VPS13B: variants seen among roughly 807,000 people sequenced by gnomAD.
VPS13B encodes the protein vacuolar protein sorting 13 homolog B, also known as intermembrane lipid transfer protein VPS13B.
Under a neutral mutation model 426.4 loss-of-function variants are expected in VPS13B, and 285 were observed. The ratio of observed to expected loss-of-function variants is 0.67; its 90% confidence interval spans 0.61 to 0.74. The LOEUF is 0.74. Ranked by LOEUF, VPS13B falls within the 30% of genes least tolerant of loss-of-function variation. The probability of loss-of-function intolerance (pLI) is 0.00; values close to 1 mark genes in which losing one functional copy is unlikely to be tolerated. For missense variants in VPS13B, 4,537 were observed against 4,782.6 expected (o/e 0.95, Z 1.51); for synonymous variants, 1,676 against 1,676.4 (o/e 1.00, Z 0.01).
intron 3 of VPS13B, among the ~76,000 whole-genome samples, chr8:99,075,430 A>G (rs1366146741): frequency 6.6e-6 from 1 of 152,146 alleles, no homozygotes; most frequent in African/African-American, 2.4e-5. Flanking sequence ...GCAAGAACTC[A>G]CTATTGTAAG....
intron 22 of VPS13B, among the ~76,000 whole-genome samples, chr8:99,432,639 T>C: frequency 6.6e-6 from 1 of 152,184 alleles, no homozygotes; most frequent in East Asian, 1.9e-4. Context: ...TTTTACTTTA[T>C]TTAAAGTGGG....
intron 21 of VPS13B, among the ~76,000 whole-genome samples, chr8:99,399,587 A>G (rs1814924080): frequency 6.6e-6 from 1 of 152,210 alleles, no homozygotes; most frequent in South Asian, 2.1e-4. Context: ...TCACTTTCAT[A>G]AACATGAAGC....
intron 2 of VPS13B, among the ~76,000 whole-genome samples, chr8:99,021,529 G>A (rs1373648313): frequency 1.3e-5 from 2 of 152,028 alleles, no homozygotes; most frequent in African/African-American, 4.8e-5. Context: ...GCTGAGGCAG[G>A]AGAATTGCTT....
intron 3 of VPS13B, among the ~76,000 whole-genome samples, chr8:99,093,582 A>G (rs1326856182): frequency 1.5e-5 from 2 of 135,792 alleles, no homozygotes; most frequent in Non-Finnish European, 3.1e-5. Context: ...TCCTGTGTCC[A>G]TGTGTTCTCA....
intron 8 of VPS13B, chr8:99,121,659 C>T: frequency 7.8e-7 from 1 of 1,286,256 alleles, no homozygotes; most frequent in Non-Finnish European, 1.0e-6. Context: ...CTCCACATTT[C>T]TTTTTTATTA....
rs146297645 is a variant in VPS13B, at chr8:99,648,348, T to C, written c.5908+5850T>C. Among the ~76,000 whole-genome samples, 20 of 152,346 alleles carry C rather than the reference T, an allele frequency of 1.3e-4. No homozygotes were observed. The East Asian group carries it at 3.9e-3, about 29-fold the overall frequency. On this transcript the variant is annotated intron_variant, in intron 34 of 61. Transcript: ENST00000357162. Reference sequence around the variant, plus strand: ...TTAATTAAATAAAGCCTATGACCTTTATTTAAGTTCCAGAGAAGCAATTTA... The same window carrying C: ...TTAATTAAATAAAGCCTATGACCTTCATTTAAGTTCCAGAGAAGCAATTTA...
At chr8:99,030,254 GA>G (rs1391245529) in intron 2 of VPS13B, among the ~76,000 whole-genome samples, 2 of 149,086 alleles carry the variant, frequency 1.3e-5, no homozygotes, top group Admixed American at 6.7e-5. Flanking sequence ...GGTACAGCAG[GA>G]CCTCAAAATA....
In VPS13B at chr8:99,033,473, C is replaced by A. The variant is rs148850462; in HGVS notation, c.148-4950C>A. 2.1e-4 allele frequency among the ~76,000 whole-genome samples: 32 copies of A among 152,180 alleles called. No homozygotes were observed. In the East Asian group the frequency reaches 5.8e-3, roughly 28 times the overall value. On this transcript the variant is annotated intron_variant, in intron 2 of 61. Coordinates refer to ENST00000357162, the MANE Select transcript of VPS13B (RefSeq NM_152564.5). Reference sequence around the variant, plus strand: ...TGCCAATTCAAATCTGCTGCTGAGCCCTTCTAGTGAATTTTTTATTTTGTT... The same window carrying A: ...TGCCAATTCAAATCTGCTGCTGAGCACTTCTAGTGAATTTTTTATTTTGTT...
At chr8:99,362,026 T>G (rs1812589071) in intron 19 of VPS13B, among the ~76,000 whole-genome samples, 1 of 152,208 alleles carries the variant, frequency 6.6e-6, no homozygotes, top group Non-Finnish European at 1.5e-5. Context: ...GACTCCAAAG[T>G]CTTCTGCTCC....
Position 99,103,028 on chromosome 8 carries a change from T to G in VPS13B, c.488T>G (p.Val163Gly). The change falls in exon 5 of 62, where the codon GTT (valine) becomes GGT (glycine). Residue 163 changes from valine to glycine, a missense_variant. Around this residue, in one of 2 missense-constraint regions of VPS13B, gnomAD observed 226 missense variants for 308.3 expected, o/e 0.73. Transcript: ENST00000357162. ...IVINNLILKY[V>G]EDDIVLSVNI... Reference sequence around the variant, plus strand: ...ATAAATAATCTCATACTAAAATATGTTGAAGATGATATCGTCCTTTCCGTC... The same window carrying G: ...ATAAATAATCTCATACTAAAATATGGTGAAGATGATATCGTCCTTTCCGTC... 1 of 1,613,440 alleles carries G rather than the reference T, an allele frequency of 6.2e-7. No individual in the cohort carries two copies. Among genetic ancestry groups the G allele is most frequent in the Non-Finnish European group, 8.5e-7 (1 of 1,179,384 alleles).
chr8:99,384,389 C>A (rs1814004124), intron 20 of VPS13B, 72 bp downstream of exon 20: 2 of 1,200,998 alleles, frequency 1.7e-6, no homozygotes, highest in Non-Finnish European at 2.4e-6. Context: ...TTATATATGT[C>A]TTTTGATGGA....
At chr8:99,232,987 AT>A in intron 17 of VPS13B, 2 of 744,114 alleles carry the variant, frequency 2.7e-6, no homozygotes, top group Non-Finnish European at 2.4e-6. Flanking sequence ...GTTTGGTCTC[AT>A]TTTGTCAGGT....
intron 30 of VPS13B, among the ~76,000 whole-genome samples, chr8:99,553,504 T>G (rs1588488876): frequency 6.6e-6 from 1 of 152,160 alleles, no homozygotes. Flanking sequence ...TCATATAAGA[T>G]AATATACTTC....
Position 99,515,159 on chromosome 8 carries a change from G to C in VPS13B, c.4633+3647G>C, listed in dbSNP as rs538743052. On this transcript the variant is annotated intron_variant, in intron 29 of 61. Coordinates refer to ENST00000357162, the MANE Select transcript of VPS13B (RefSeq NM_152564.5). Reference sequence around the variant, plus strand: ...AAATCAGGCTATTTAAGAAAGAAGAGGAAAAAAAAGAACAACTTTATTTTC... The same window carrying C: ...AAATCAGGCTATTTAAGAAAGAAGACGAAAAAAAAGAACAACTTTATTTTC... Among the ~76,000 whole-genome samples the C allele has an allele frequency of 1.1e-4, 17 of 151,966 alleles. 1 individual carries two copies. Among genetic ancestry groups the C allele is most frequent in the South Asian group, 2.1e-4 (1 of 4,816 alleles).
chr8:99,166,123 G>A (rs571122322), intron 15 of VPS13B, among the ~76,000 whole-genome samples: 6 of 152,216 alleles, frequency 3.9e-5, no homozygotes, highest in East Asian at 3.9e-4. Flanking sequence ...GGGATTACAG[G>A]CACGTGCCAC....
intron 35 of VPS13B, among the ~76,000 whole-genome samples, chr8:99,693,298 A>G (rs1427235673): frequency 1.3e-5 from 2 of 150,404 alleles, no homozygotes; most frequent in African/African-American, 4.9e-5. Flanking sequence ...AATCCTCAGT[A>G]AAATACTGGC....
Position 99,835,641 on chromosome 8 carries a change from A to C in VPS13B, c.9845A>C (p.Lys3282Thr), listed in dbSNP as rs984445862. ...QISSYPDCKT[K>T]DLLPSLLLRV... is the part of the protein sequence containing the mutation. ...TCCAGTTATCCGGACTGCAAGACCA[A>C]AGACTTACTTCCAAGCCTACTTTTG... The change falls in exon 54 of 62, where the codon AAA becomes ACA. Residue 3282 changes from lysine to threonine, a missense_variant. Lys to Thr is a moderately conservative substitution (Grantham distance 78). Around this residue, in one of 2 missense-constraint regions of VPS13B, gnomAD observed 4,311 missense variants for 4,474.3 expected, o/e 0.96. Coordinates refer to ENST00000357162, the MANE Select transcript of VPS13B (RefSeq NM_152564.5). The C allele has an allele frequency of 6.2e-7, 1 of 1,614,174 alleles. No homozygotes were observed. Among genetic ancestry groups the C allele is most frequent in the South Asian group, 1.1e-5 (1 of 91,078 alleles).
Position 99,524,590 on chromosome 8 carries a change from C to T in VPS13B, c.4745+3580C>T, listed in dbSNP as rs531778175. 8.5e-5 allele frequency among the ~76,000 whole-genome samples: 13 copies of T among 152,216 alleles called. No homozygotes were observed. In the South Asian group the frequency reaches 2.3e-3, roughly 27 times the overall value. On this transcript the variant is annotated intron_variant, in intron 30 of 61. Transcript: ENST00000357162. ...GGAGGATTGCTTGAGCCCGGGAGTT[C>T]GAGACCAGCATAGGCAACATGATGA... is the stretch of plus-strand genomic sequence containing the variant.
Position 99,496,423 on chromosome 8 carries a change from G to A in VPS13B, c.3871-5264G>A, listed in dbSNP as rs1022927644. ...TCCCAGCACTTTGGGAGGCTGAGGC[G>A]GGTAGATCACGAGGTCAGGAGATCG... On this transcript the variant is annotated intron_variant, in intron 25 of 61. Transcript: ENST00000357162. 4.6e-5 allele frequency among the ~76,000 whole-genome samples: 7 copies of A among 152,198 alleles called. No homozygotes were observed. The South Asian group carries it at 1.0e-3, about 23-fold the overall frequency.
Sources: gnomAD v4.1 joint callset for allele counts (sites outside exome capture counted in the v4.1 genomes callset) on GRCh38, gnomAD v4.1.1 for gene constraint, gnomAD v4.1.1 regional missense constraint, MANE v1.5 for transcripts, NCBI Gene and HGNC (gene_info 2026-07-23, HGNC 2026-07-21) for gene names.